Variants in NRG3 observed in about 807,000 individuals in gnomAD.
The protein encoded by NRG3 is pro-neuregulin-3, membrane-bound isoform.
Under a neutral mutation model 66.9 loss-of-function variants are expected in NRG3, and 31 were observed. That is an observed-to-expected ratio of 0.46 (90% CI 0.35 to 0.63). NRG3 has a LOEUF of 0.63. Ranked by LOEUF, NRG3 falls within the 20% of genes least tolerant of loss-of-function variation. The probability of loss-of-function intolerance (pLI) is 0.00; values close to 1 mark genes in which losing one functional copy is unlikely to be tolerated. For missense variants in NRG3, 910 were observed against 878.9 expected (o/e 1.04, Z -0.45); for synonymous variants, 393 against 359.4 (o/e 1.09, Z -1.06).
chr10:82,650,489 C>G (rs2051327453), intron 2 of NRG3, among the ~76,000 whole-genome samples: 1 of 152,198 alleles, frequency 6.6e-6, no homozygotes, highest in Non-Finnish European at 1.5e-5. Context: ...AGGGACACAT[C>G]TGTGTCTCAA....
intron 1 of NRG3, among the ~76,000 whole-genome samples, chr10:82,357,875 A>C (rs1173807290): frequency 6.6e-6 from 1 of 152,230 alleles, no homozygotes; most frequent in Non-Finnish European, 1.5e-5. Flanking sequence ...TTAAAAGCTT[A>C]AGCATTGAAT....
At chr10:82,756,211 T>C (rs116054847) in intron 3 of NRG3, among the ~76,000 whole-genome samples, 1 of 152,108 alleles carries the variant, frequency 6.6e-6, no homozygotes, top group Non-Finnish European at 1.5e-5. Context: ...TATCCATCAT[T>C]CTGGACTTCA....
chr10:82,339,504 G>A (rs1484057343), intron 1 of NRG3, among the ~76,000 whole-genome samples: 1 of 152,062 alleles, frequency 6.6e-6, no homozygotes, highest in Non-Finnish European at 1.5e-5. Context: ...AGAACAGCAT[G>A]GGGGAGGCTG....
chr10:82,456,813 G>T (rs2091288841), intron 2 of NRG3, among the ~76,000 whole-genome samples: 1 of 152,124 alleles, frequency 6.6e-6, no homozygotes, highest in Non-Finnish European at 1.5e-5. Context: ...TGAGTACCGG[G>T]CCTGACACTC....
intron 1 of NRG3, among the ~76,000 whole-genome samples, chr10:81,994,274 G>C (rs1463353542): frequency 6.6e-6 from 1 of 151,870 alleles, no homozygotes; most frequent in East Asian, 1.9e-4. Context: ...ATGCCTCTTG[G>C]ATTTCTCCCT....
At chr10:82,065,878 TAA>T (rs1294588150) in intron 1 of NRG3, among the ~76,000 whole-genome samples, 1 of 152,162 alleles carries the variant, frequency 6.6e-6, no homozygotes, top group Non-Finnish European at 1.5e-5. Context: ...TTTGTGTAGT[TAA>T]AAATTATAAA....
At chr10:82,431,934 C>G (rs1436761481) in intron 2 of NRG3, among the ~76,000 whole-genome samples, 1 of 152,162 alleles carries the variant, frequency 6.6e-6, no homozygotes, top group Non-Finnish European at 1.5e-5. Context: ...ATCTGCTTAT[C>G]AAACTTATTC....
intron 1 of NRG3, among the ~76,000 whole-genome samples, chr10:82,249,976 C>T (rs1169188862): frequency 2.0e-5 from 3 of 152,238 alleles, no homozygotes; most frequent in South Asian, 2.1e-4. Context: ...AACTCCACAG[C>T]GATGGTAGAA....
At chr10:82,214,119 G>C (rs1480649220) in intron 1 of NRG3, among the ~76,000 whole-genome samples, 1 of 152,154 alleles carries the variant, frequency 6.6e-6, no homozygotes, top group Non-Finnish European at 1.5e-5. Flanking sequence ...TATTCACTGA[G>C]ACTCCCTTCC....
chr10:82,022,125 C>A (rs891186442), intron 1 of NRG3, among the ~76,000 whole-genome samples: 6 of 151,978 alleles, frequency 3.9e-5, no homozygotes, highest in Admixed American at 2.6e-4. Flanking sequence ...TAATGCACTA[C>A]TTTCCAATGA....
intron 4 of NRG3, among the ~76,000 whole-genome samples, chr10:82,907,680 T>C (rs1236624780): frequency 6.6e-6 from 1 of 152,184 alleles, no homozygotes; most frequent in African/African-American, 2.4e-5. Context: ...ATAAGGTATA[T>C]ATTATCTATA....
In NRG3 at chr10:81,896,693, A is replaced by G. The variant is rs1448548539; in HGVS notation, c.823+20530A>G. Among the ~76,000 whole-genome samples, 6 of 148,312 alleles carry G rather than the reference A, an allele frequency of 4.0e-5. No homozygotes were observed. The East Asian group carries it at 1.2e-3, about 30-fold the overall frequency. ...TTTTTTGGTTTTCTTTAAAGATTGTATGATAAAAAATGTTTATTATGGCTT... is the reference window on the plus strand; with the variant it reads ...TTTTTTGGTTTTCTTTAAAGATTGTGTGATAAAAAATGTTTATTATGGCTT... On this transcript the variant is annotated intron_variant, in intron 1 of 8. Coordinates refer to ENST00000372141, the MANE Select transcript of NRG3 (RefSeq NM_001010848.4).
At chr10:82,214,103 G>A (rs1250539527) in intron 1 of NRG3, among the ~76,000 whole-genome samples, 1 of 152,140 alleles carries the variant, frequency 6.6e-6, no homozygotes, top group Non-Finnish European at 1.5e-5. Flanking sequence ...AAGAAAAGAG[G>A]CCAAATATTC....
intron 4 of NRG3, among the ~76,000 whole-genome samples, chr10:82,910,719 C>T (rs1318907146): frequency 6.6e-6 from 1 of 152,226 alleles, no homozygotes; most frequent in East Asian, 1.9e-4. Flanking sequence ...AATATGACTT[C>T]ATTAATTTGG....
intron 1 of NRG3, among the ~76,000 whole-genome samples, chr10:82,087,349 G>C (rs1421465421): frequency 6.6e-6 from 1 of 152,028 alleles, no homozygotes; most frequent in Non-Finnish European, 1.5e-5. Context: ...CCTCTTTTGT[G>C]AAGCTTTTCC....
intron 1 of NRG3, among the ~76,000 whole-genome samples, chr10:82,134,613 T>C (rs2069185513): frequency 6.6e-6 from 1 of 152,086 alleles, no homozygotes; most frequent in Non-Finnish European, 1.5e-5. Flanking sequence ...GTTCTATTGG[T>C]CTGTGTGCCT....
chr10:82,007,426 T>C (rs10732792), intron 1 of NRG3, among the ~76,000 whole-genome samples: 147,084 of 151,966 alleles, frequency 0.97, 71,219 homozygotes, highest in East Asian at 1. Flanking sequence ...GCCAGATGGT[T>C]TCGATCTCTT....
chr10:81,959,341 G>A (rs1416647684), intron 1 of NRG3, among the ~76,000 whole-genome samples: 3 of 151,992 alleles, frequency 2.0e-5, no homozygotes, highest in Non-Finnish European at 4.4e-5. Flanking sequence ...CTCATGGTTT[G>A]AACCAATTTG....
intron 1 of NRG3, among the ~76,000 whole-genome samples, chr10:82,133,473 C>T (rs1245368373): frequency 1.3e-5 from 2 of 152,138 alleles, no homozygotes; most frequent in East Asian, 3.9e-4. Context: ...CATAAGTTCT[C>T]TTCATTTAGC....
Sources: allele counts gnomAD v4.1 joint callset (sites outside exome capture counted in the v4.1 genomes callset), GRCh38; gene constraint gnomAD v4.1.1; transcripts MANE v1.5; gene names NCBI Gene and HGNC (gene_info 2026-07-23, HGNC 2026-07-21).